The following AUH variants were observed in gnomAD, a reference collection of about 807,000 sequenced individuals.
AUH encodes methylglutaconyl-CoA hydratase, mitochondrial.
Under a neutral mutation model 42.3 loss-of-function variants are expected in AUH, and 29 were observed. That is an observed-to-expected ratio of 0.69 (90% CI 0.51 to 0.93). AUH has a LOEUF of 0.93. AUH is among the 40% of genes least tolerant of loss of function. The pLI, the probability that AUH is intolerant of heterozygous loss-of-function variation, is 0.00. For missense variants in AUH, 452 were observed against 438.1 expected (o/e 1.03, Z -0.28); for synonymous variants, 174 against 166.4 (o/e 1.05, Z -0.35).
chr9:91,229,719 C>T (rs1827752528), intron 6 of AUH, among the ~76,000 whole-genome samples: 1 of 151,954 alleles, frequency 6.6e-6, no homozygotes, highest in African/African-American at 2.4e-5. Context: ...ATGTTTAGCA[C>T]TTCCTTCAGG....
chr9:91,272,149 T>C (rs755815253), intron 6 of AUH, among the ~76,000 whole-genome samples: 15 of 152,256 alleles, frequency 9.9e-5, no homozygotes, highest in South Asian at 6.2e-4. Flanking sequence ...ACATTCTTTA[T>C]GTGGTGTCAC....
At chr9:91,275,689 T>C (rs1825485982) in intron 6 of AUH, among the ~76,000 whole-genome samples, 1 of 152,196 alleles carries the variant, frequency 6.6e-6, no homozygotes, top group African/African-American at 2.4e-5. Flanking sequence ...TCCCATAACT[T>C]ATCACCCAAA....
chr9:91,355,363 C>G (rs1316360394), intron 3 of AUH, among the ~76,000 whole-genome samples: 1 of 152,142 alleles, frequency 6.6e-6, no homozygotes, highest in Non-Finnish European at 1.5e-5. Flanking sequence ...TCGAGACCAG[C>G]CTGGCCAACA....
chr9:91,269,125 C>T (rs566796376), intron 6 of AUH, among the ~76,000 whole-genome samples: 1 of 152,130 alleles, frequency 6.6e-6, no homozygotes, highest in African/African-American at 2.4e-5. Flanking sequence ...GGACTACAGG[C>T]GTGCGCCACC....
Position 91,269,271 on chromosome 9 carries a change from G to A in AUH, c.655+26750C>T, listed in dbSNP as rs928245858. Among the ~76,000 whole-genome samples, 74 of 152,196 alleles carry A rather than the reference G, an allele frequency of 4.9e-4. 1 individual carries two copies. The highest frequency in any genetic ancestry group is 4.4e-3 in the Admixed American group (67 of 15,278). On this transcript the variant is annotated intron_variant, in intron 6 of 9. Coordinates refer to ENST00000375731, the MANE Select transcript of AUH (RefSeq NM_001698.3). ...TGGCATTATAGGCGTGAGCCACCAC[G>A]CCAAGCCAGATAATTAATATTTTCT...
chr9:91,239,592 G>A (rs912066499), intron 6 of AUH, among the ~76,000 whole-genome samples: 1 of 152,164 alleles, frequency 6.6e-6, no homozygotes, highest in Non-Finnish European at 1.5e-5. Context: ...AGTGAGCTAT[G>A]TGAACAAACA....
intron 8 of AUH, among the ~76,000 whole-genome samples, chr9:91,216,439 G>GAC (rs113531404): frequency 0.098 from 14,607 of 149,526 alleles, 761 homozygotes; most frequent in East Asian, 0.24. Flanking sequence ...TTTATGTCGC[G>GAC]ACACACACAC....
At chr9:91,268,300 C>T (rs1020097711) in intron 6 of AUH, among the ~76,000 whole-genome samples, 5 of 152,168 alleles carry the variant, frequency 3.3e-5, no homozygotes, top group African/African-American at 1.2e-4. Context: ...TGAGAACATA[C>T]TCTGGTTTAA....
At chr9:91,346,686 A>G (rs1226461694) in intron 3 of AUH, among the ~76,000 whole-genome samples, 1 of 152,128 alleles carries the variant, frequency 6.6e-6, no homozygotes, top group East Asian at 1.9e-4. Flanking sequence ...AAATTCTGCC[A>G]CCATCCAAAA....
At chr9:91,360,882 C>A (rs921710692) in intron 1 of AUH, among the ~76,000 whole-genome samples, 16 of 152,172 alleles carry the variant, frequency 1.1e-4, no homozygotes, top group African/African-American at 3.9e-4. Flanking sequence ...AACTGCTATT[C>A]CACCCTTCAC....
At chr9:91,263,207 T>C (rs1466633307) in intron 6 of AUH, among the ~76,000 whole-genome samples, 1 of 152,234 alleles carries the variant, frequency 6.6e-6, no homozygotes, top group Non-Finnish European at 1.5e-5. Context: ...CATCCTCACT[T>C]CTATACCATG....
chr9:91,358,393 TG>T (rs1832600051), intron 1 of AUH, among the ~76,000 whole-genome samples: 1 of 152,206 alleles, frequency 6.6e-6, no homozygotes, highest in African/African-American at 2.4e-5. Flanking sequence ...TTGCTGGGGA[TG>T]AAATCCCAGT....
At chr9:91,334,472 T>G (rs1425962848) in intron 3 of AUH, among the ~76,000 whole-genome samples, 1 of 152,232 alleles carries the variant, frequency 6.6e-6, no homozygotes, top group Non-Finnish European at 1.5e-5. Flanking sequence ...CATCTTCCCC[T>G]GCCCTTGGAC....
At chr9:91,312,740 C>CA (rs1330460520) in intron 4 of AUH, among the ~76,000 whole-genome samples, 6 of 151,208 alleles carry the variant, frequency 4.0e-5, no homozygotes, top group African/African-American at 7.3e-5. Context: ...TTAAAACAAA[C>CA]AAAAAAAAAT....
chr9:91,361,814 A>T lies in AUH; in HGVS notation c.76T>A (p.Cys26Ser). Residue 26 changes from cysteine to serine, a missense_variant, in exon 1 of 10, where the codon TGC (cysteine) becomes AGC (serine). Cys to Ser is a moderately radical substitution (Grantham distance 112). Coordinates refer to ENST00000375731, the MANE Select transcript of AUH (RefSeq NM_001698.3). ...AACCCCGGGCAGAGCCACGCACTGC[A>T]AGCGGCCACCAGGCGGGCGCCGCCA... ...HAGGARLVAA[C>S]SAWLCPGLRL... 6.6e-7 allele frequency: 1 copy of T among 1,513,530 alleles called. No homozygotes were observed. Among genetic ancestry groups the T allele is most frequent in the African/African-American group, 1.4e-5 (1 of 69,310 alleles). 93.8% of individuals were successfully genotyped at this position (1,513,530 alleles called of 1,614,324 possible). A position where few individuals can be genotyped will look rare whatever the true frequency, so the allele number is the denominator to read the frequency against.
At chr9:91,217,703 T>C (rs114133271) in intron 7 of AUH, among the ~76,000 whole-genome samples, 5 of 152,142 alleles carry the variant, frequency 3.3e-5, no homozygotes, top group African/African-American at 9.7e-5. Flanking sequence ...TGAAAGAAGC[T>C]TGGGCTGGGG....
chr9:91,327,640 G>A (rs1830046821), intron 3 of AUH, among the ~76,000 whole-genome samples: 1 of 152,180 alleles, frequency 6.6e-6, no homozygotes, highest in African/African-American at 2.4e-5. Context: ...CAAGGACCTG[G>A]AACTCGCTGA....
chr9:91,289,091 G>A (rs1223779865), intron 6 of AUH, among the ~76,000 whole-genome samples: 1 of 152,084 alleles, frequency 6.6e-6, no homozygotes, highest in Non-Finnish European at 1.5e-5. Flanking sequence ...TAATTCTCTT[G>A]TCTTTATCAA....
intron 6 of AUH, among the ~76,000 whole-genome samples, chr9:91,291,422 T>C (rs147816801): frequency 6.6e-6 from 1 of 152,364 alleles, no homozygotes; most frequent in African/African-American, 2.4e-5. Context: ...CTCAAAAGAA[T>C]TTCAGAAATA....
Sources: allele counts gnomAD v4.1 joint callset (sites outside exome capture counted in the v4.1 genomes callset), GRCh38; gene constraint gnomAD v4.1.1; transcripts MANE v1.5; gene names NCBI Gene and HGNC (gene_info 2026-07-23, HGNC 2026-07-21).